The following COLEC12 variants were observed in gnomAD, a reference collection of about 807,000 sequenced individuals.
COLEC12 encodes collectin-12.
A neutral mutation model predicts 71.1 loss-of-function variants in COLEC12; 33 were observed. The ratio of observed to expected loss-of-function variants is 0.46; its 90% CI spans 0.35 to 0.62. The LOEUF (loss-of-function observed/expected upper bound fraction) is 0.62. Among genes scored for constraint, COLEC12 ranks in the 20% least tolerant of loss-of-function variants. The pLI is 0.00. For synonymous variants in COLEC12, 350 were observed against 353.0 expected (o/e 0.99, Z 0.10); for missense variants, 765 against 916.1 (o/e 0.84, Z 2.13).
At chr18:321,201 T>C (rs527752313) in intron 9 of COLEC12, among the ~76,000 whole-genome samples, 53 of 152,248 alleles carry the variant, frequency 3.5e-4, no homozygotes, top group African/African-American at 9.9e-4. Flanking sequence ...ATTACAGGCA[T>C]GCGCCACCAT....
At chr18:365,802 C>T (rs1567885760) in intron 2 of COLEC12, among the ~76,000 whole-genome samples, 1 of 152,142 alleles carries the variant, frequency 6.6e-6, no homozygotes, top group Non-Finnish European at 1.5e-5. Context: ...GCTCCCGCAC[C>T]CTCTGACCAT....
chr18:490,548 T>A (rs1422207569), intron 1 of COLEC12, among the ~76,000 whole-genome samples: 1 of 152,234 alleles, frequency 6.6e-6, no homozygotes, highest in Non-Finnish European at 1.5e-5. Context: ...ATTATCTGAC[T>A]CTTTAAACTA....
At chr18:432,795 C>G (rs371010408) in intron 2 of COLEC12, among the ~76,000 whole-genome samples, 1 of 152,216 alleles carries the variant, frequency 6.6e-6, no homozygotes, top group African/African-American at 2.4e-5. Context: ...AAGCTGCAAC[C>G]CTTCCGGCGC....
chr18:417,477 T>C (rs1916009843), intron 2 of COLEC12, among the ~76,000 whole-genome samples: 1 of 152,190 alleles, frequency 6.6e-6, no homozygotes, highest in African/African-American at 2.4e-5. Flanking sequence ...CTAAAGGTTA[T>C]AGTGGTGACC....
chr18:409,944 T>C (rs1383499008), intron 2 of COLEC12, among the ~76,000 whole-genome samples: 3 of 152,154 alleles, frequency 2.0e-5, no homozygotes, highest in African/African-American at 7.2e-5. Context: ...GAGAAAAATG[T>C]GGGCAAAACT....
intron 5 of COLEC12, among the ~76,000 whole-genome samples, chr18:345,823 T>C (rs1914358465): frequency 6.6e-6 from 1 of 152,230 alleles, no homozygotes; most frequent in South Asian, 2.1e-4. Flanking sequence ...TTAATTCCAC[T>C]TGCATTGAGT....
chr18:411,685 G>A (rs919868039), intron 2 of COLEC12, among the ~76,000 whole-genome samples: 18 of 152,140 alleles, frequency 1.2e-4, no homozygotes, highest in Non-Finnish European at 1.9e-4. Flanking sequence ...TGGGTGGATC[G>A]CTTGAGCCCA....
chr18:414,911 T>C (rs1182022588), intron 2 of COLEC12, among the ~76,000 whole-genome samples: 2 of 152,184 alleles, frequency 1.3e-5, no homozygotes, highest in East Asian at 3.9e-4. Flanking sequence ...TTTAAAACTG[T>C]GCAATCACCT....
intron 1 of COLEC12, among the ~76,000 whole-genome samples, chr18:495,641 T>C (rs1279784735): frequency 2.0e-5 from 3 of 152,254 alleles, no homozygotes; most frequent in Non-Finnish European, 2.9e-5. Context: ...CCTTTGATGC[T>C]AGGTCATTAC....
chr18:350,292 T>C (rs1914482767), intron 3 of COLEC12, among the ~76,000 whole-genome samples: 1 of 152,142 alleles, frequency 6.6e-6, no homozygotes, highest in Non-Finnish European at 1.5e-5. Flanking sequence ...TCTCACTTTC[T>C]CTTGCTGCTG....
chr18:473,220 A>G (rs975269598), intron 2 of COLEC12, among the ~76,000 whole-genome samples: 2 of 152,108 alleles, frequency 1.3e-5, no homozygotes, highest in African/African-American at 4.8e-5. Context: ...GACTGAACAC[A>G]AAGGGCCCCA....
At chr18:417,236 A>C (rs896985328) in intron 2 of COLEC12, among the ~76,000 whole-genome samples, 6 of 152,212 alleles carry the variant, frequency 3.9e-5, no homozygotes, top group Non-Finnish European at 5.9e-5. Context: ...ACTGTACTGA[A>C]TACTGTAAGC....
chr18:347,599 T>C (rs1247190280), intron 4 of COLEC12, among the ~76,000 whole-genome samples: 1 of 152,270 alleles, frequency 6.6e-6, no homozygotes, highest in East Asian at 1.9e-4. Flanking sequence ...ATTTACTAGA[T>C]TTTAGGGCAG....
chr18:351,893 T>A (rs1200144604), intron 3 of COLEC12, among the ~76,000 whole-genome samples: 1 of 152,214 alleles, frequency 6.6e-6, no homozygotes, highest in African/African-American at 2.4e-5. Flanking sequence ...TTGGCCAGGC[T>A]GGTCTCGAAC....
chr18:341,202 ATCT>A (rs1914245242), intron 5 of COLEC12, among the ~76,000 whole-genome samples: 2 of 152,194 alleles, frequency 1.3e-5, no homozygotes, highest in Non-Finnish European at 2.9e-5. Context: ...CAAACATGTC[ATCT>A]ATTCATGGTG....
intron 2 of COLEC12, among the ~76,000 whole-genome samples, chr18:402,551 G>A (rs960061375): frequency 1.3e-5 from 2 of 152,122 alleles, no homozygotes; most frequent in African/African-American, 4.8e-5. Flanking sequence ...CAGAGTGTGG[G>A]GAGGTGGGGA....
At chr18:324,013 T>C (rs1179285414) in intron 8 of COLEC12, among the ~76,000 whole-genome samples, 1 of 152,112 alleles carries the variant, frequency 6.6e-6, no homozygotes, top group African/African-American at 2.4e-5. Flanking sequence ...AGGCTTTCCT[T>C]AGGACTAAAA....
rs1913621723 is a variant in COLEC12, at chr18:319,032, C to G, written c.*1013G>C. ...ATGCCAAGTACAGTCATAGCTCAGC[C>G]ATGACACAGGGCCTTCCAGATAGGC... On this transcript the variant is annotated 3_prime_UTR_variant, in exon 10 of 10. Transcript: ENST00000400256. 1 of 152,068 alleles carries G rather than the reference C, an allele frequency of 6.6e-6. No individual in the cohort carries two copies. The highest frequency in any genetic ancestry group is 2.1e-4 in the South Asian group (1 of 4,818). The allele number at this position is 152,068 out of a possible 1,614,324, so 9.4% of individuals were successfully genotyped here. A position where few individuals can be genotyped will look rare whatever the true frequency, so the allele number is the denominator to read the frequency against.
At chr18:476,537 G>A (rs1917308145) in intron 2 of COLEC12, among the ~76,000 whole-genome samples, 1 of 152,178 alleles carries the variant, frequency 6.6e-6, no homozygotes, top group East Asian at 1.9e-4. Flanking sequence ...AAAAATAACA[G>A]AAGAGAACCC....
Sources: gnomAD v4.1 joint callset for allele counts (sites outside exome capture counted in the v4.1 genomes callset) on GRCh38, gnomAD v4.1.1 for gene constraint, MANE v1.5 for transcripts, NCBI Gene and HGNC (gene_info 2026-07-23, HGNC 2026-07-21) for gene names.